Variants in SVIP observed in about 807,000 individuals in gnomAD.
SVIP encodes small VCP/p97-interacting protein.
In SVIP, 14 loss-of-function variants were observed where a neutral mutation model predicts 12.9. The ratio of observed to expected loss-of-function variants is 1.08; its 90% confidence interval spans 0.72 to 1.70. The LOEUF (loss-of-function observed/expected upper bound fraction) is 1.70. Ranked by LOEUF, SVIP falls within the 40% of genes most tolerant of loss-of-function variation. SVIP has a pLI of 0.00. For synonymous variants in SVIP, 35 were observed against 33.3 expected, an observed-to-expected ratio of 1.05 and a Z score of -0.17; for missense variants, 93 against 90.8, an observed-to-expected ratio of 1.02 and a Z score of -0.10.
chr11:22,822,925 C>T lies in SVIP; in HGVS notation c.*194G>A. 1 of 508,574 alleles carries T rather than the reference C, an allele frequency of 2.0e-6. No individual in the cohort carries two copies. The highest frequency in any genetic ancestry group is 3.2e-5 in the East Asian group (1 of 30,786). 31.5% of individuals were successfully genotyped at this position (508,574 alleles called of 1,614,324 possible). A position where few individuals can be genotyped will look rare whatever the true frequency, so the allele number is the denominator to read the frequency against. On this transcript the variant is annotated 3_prime_UTR_variant, in exon 4 of 4. Coordinates refer to ENST00000354193, the MANE Select transcript of SVIP (RefSeq NM_148893.3). Reference sequence around the variant, plus strand: ...TGCAGAAGAGCAAATGTAGGAAAATCAGTATTTAATGAAAAGTCTAGCCAT... The same window carrying T: ...TGCAGAAGAGCAAATGTAGGAAAATTAGTATTTAATGAAAAGTCTAGCCAT...
At chr11:22,828,465 G>A (rs79908541) in intron 1 of SVIP, among the ~76,000 whole-genome samples, 1 of 152,258 alleles carries the variant, frequency 6.6e-6, no homozygotes, top group African/African-American at 2.4e-5. Context: ...AATTGCGGGC[G>A]CACAGACAAA....
chr11:22,823,606 C>T (rs1312117849), intron 3 of SVIP, among the ~76,000 whole-genome samples: 4 of 152,224 alleles, frequency 2.6e-5, no homozygotes, highest in Non-Finnish European at 5.9e-5. Flanking sequence ...GGGGCACACA[C>T]AGATGTCATC....
intron 1 of SVIP, among the ~76,000 whole-genome samples, chr11:22,828,406 A>G (rs10766969): frequency 0.38 from 57,398 of 152,134 alleles, 12,208 homozygotes; most frequent in East Asian, 0.73. Flanking sequence ...CTGGGATACA[A>G]CAGTGTAAAA....
rs1288938179 is a variant in SVIP, at chr11:22,824,443, CACAT to C, written c.220-1314_220-1311del. ...TGTTTTATATATATATATACACACA[CACAT>C]ATATATATATATACACATATATATA... On this transcript the variant is annotated intron_variant, in intron 3 of 3. Coordinates refer to ENST00000354193, the MANE Select transcript of SVIP (RefSeq NM_148893.3). Among the ~76,000 whole-genome samples the C allele has an allele frequency of 4.5e-5, 5 of 111,190 alleles. No individual in the cohort carries two copies. In the East Asian group the frequency reaches 6.6e-4, roughly 15 times the overall value. The allele number at this position is 111,190 out of a possible 152,430, so 72.9% of individuals were successfully genotyped here. A position where few individuals can be genotyped will look rare whatever the true frequency, so the allele number is the denominator to read the frequency against.
chr11:22,828,081 A>G (rs1036260640), intron 1 of SVIP, among the ~76,000 whole-genome samples: 4 of 152,218 alleles, frequency 2.6e-5, no homozygotes, highest in Admixed American at 2.6e-4. Flanking sequence ...AAACAGATAC[A>G]AGGTTTACCT....
intron 3 of SVIP, among the ~76,000 whole-genome samples, chr11:22,825,659 A>AT (rs963465622): frequency 2.2e-4 from 33 of 150,916 alleles, no homozygotes; most frequent in Admixed American, 2.0e-3. Flanking sequence ...TAAGGCCTAA[A>AT]TTTTTTTTTT....
At chr11:22,828,819 T>A (rs1857828124) in intron 1 of SVIP, among the ~76,000 whole-genome samples, 1 of 152,228 alleles carries the variant, frequency 6.6e-6, no homozygotes, top group Non-Finnish European at 1.5e-5. Context: ...GAAGAGTTAA[T>A]GTACTTCCCA....
At chr11:22,825,744 G>A (rs1857674865) in intron 3 of SVIP, among the ~76,000 whole-genome samples, 1 of 152,078 alleles carries the variant, frequency 6.6e-6, no homozygotes, top group African/African-American at 2.4e-5. Flanking sequence ...AAAAGCTGAT[G>A]TTAATTTCAT....
At position 22,818,989 on chromosome 11, in the gene SVIP, T is replaced by C. The variant is rs1401248811; in HGVS notation, c.*4130A>G. On this transcript the variant is annotated 3_prime_UTR_variant, in exon 4 of 4. Coordinates refer to ENST00000354193, the MANE Select transcript of SVIP (RefSeq NM_148893.3). ...TTTTTAATGTCTACAGTTTTATTTT[T>C]CCTAAATATTTTATTTGTTGATATT... 4 of 152,234 alleles carry C rather than the reference T, an allele frequency of 2.6e-5. No individual in the cohort carries two copies. In the East Asian group the frequency reaches 5.8e-4, roughly 22 times the overall value. 9.4% of individuals were successfully genotyped at this position (152,234 alleles called of 1,614,324 possible). A position where few individuals can be genotyped will look rare whatever the true frequency, so the allele number is the denominator to read the frequency against.
At chr11:22,826,254 T>C (rs538912311) in intron 3 of SVIP, among the ~76,000 whole-genome samples, 2 of 152,286 alleles carry the variant, frequency 1.3e-5, no homozygotes, top group South Asian at 4.1e-4. Context: ...TGAGCCAGAA[T>C]CAACTGCTCA....
intron 1 of SVIP, 191 bp downstream of exon 1, chr11:22,829,504 C>T: frequency 1.9e-6 from 1 of 525,350 alleles, no homozygotes; most frequent in Non-Finnish European, 3.4e-6. Flanking sequence ...GAGATCTACA[C>T]GGAGGCGACG....
chr11:22,824,376 C>T (rs892115302), intron 3 of SVIP, among the ~76,000 whole-genome samples: 1 of 150,814 alleles, frequency 6.6e-6, no homozygotes, highest in East Asian at 2.0e-4. Flanking sequence ...TTGGCAATCT[C>T]TTGATAGTGT....
rs767692993 is a variant in SVIP at position 22,827,244 on chromosome 11, ATTTG to A, written c.178_181del (p.Gln60LeufsTer20). ...TTCTGGTGGGGGCCCGGATGTAGCA[ATTTG>A]TTTTTCTATTTTTTCCTTTTTCTTT... On this transcript the variant is annotated frameshift_variant, in exon 3 of 4. Coordinates refer to ENST00000354193, the MANE Select transcript of SVIP (RefSeq NM_148893.3). LOFTEE classifies it high-confidence loss of function. 3.1e-6 allele frequency: 5 copies of A among 1,610,454 alleles called. No homozygotes were observed. Among genetic ancestry groups the A allele is most frequent in the Admixed American group, 1.7e-5 (1 of 59,250 alleles).
intron 3 of SVIP, among the ~76,000 whole-genome samples, chr11:22,824,459 TAC>T (rs56365649): frequency 0.48 from 68,891 of 143,468 alleles, 17,336 homozygotes; most frequent in Non-Finnish European, 0.56. Flanking sequence ...TATATATATA[TAC>T]ACATATATAT....
In SVIP at chr11:22,822,281, A is replaced by G. The variant is rs1857514715; in HGVS notation, c.*838T>C. On this transcript the variant is annotated 3_prime_UTR_variant, in exon 4 of 4. Coordinates refer to ENST00000354193, the MANE Select transcript of SVIP (RefSeq NM_148893.3). ...GCAGTTTCACATCTGTATAAATCTT[A>G]TGATCGTTCTCTAATAAGTACACAA... is the stretch of plus-strand genomic sequence containing the variant. The G allele has an allele frequency of 6.6e-6, 1 of 152,146 alleles. No homozygotes were observed. Among genetic ancestry groups the G allele is most frequent in the Non-Finnish European group, 1.5e-5 (1 of 68,002 alleles). The allele number at this position is 152,146 out of a possible 1,614,324, so 9.4% of individuals were successfully genotyped here. A position where few individuals can be genotyped will look rare whatever the true frequency, so the allele number is the denominator to read the frequency against.
rs1027192120 is a variant in SVIP at position 22,820,818 on chromosome 11, T to C, written c.*2301A>G. On this transcript the variant is annotated 3_prime_UTR_variant, in exon 4 of 4. Coordinates refer to ENST00000354193, the MANE Select transcript of SVIP (RefSeq NM_148893.3). ...TAGCAGCCGTTAAGTTTGATTAGTATTAAGCAGCAATGGTTTAAGCAATTT... is the reference window on the plus strand; with the variant it reads ...TAGCAGCCGTTAAGTTTGATTAGTACTAAGCAGCAATGGTTTAAGCAATTT... The C allele has an allele frequency of 6.6e-6, 1 of 152,192 alleles. No homozygotes were observed. Among genetic ancestry groups the C allele is most frequent in the South Asian group, 2.1e-4 (1 of 4,830 alleles). 9.4% of individuals were successfully genotyped at this position (152,192 alleles called of 1,614,324 possible). A position where few individuals can be genotyped will look rare whatever the true frequency, so the allele number is the denominator to read the frequency against.
chr11:22,822,567 C>T lies in SVIP; in HGVS notation c.*552G>A, dbSNP rs1022560881. On this transcript the variant is annotated 3_prime_UTR_variant, in exon 4 of 4. Transcript: ENST00000354193. ...TAAAAATAAATTGGAAAAAATTTTA[C>T]ATCTGCCTAAGAATACTCATTACTA... The T allele has an allele frequency of 1.3e-5, 2 of 152,092 alleles. No individual in the cohort carries two copies. Among genetic ancestry groups the T allele is most frequent in the African/African-American group, 4.8e-5 (2 of 41,420 alleles). The allele number at this position is 152,092 out of a possible 1,614,324, so 9.4% of individuals were successfully genotyped here.
Position 22,819,624 on chromosome 11 carries a change from TAGTC to T in SVIP, c.*3491_*3494del, listed in dbSNP as rs1205818905. ...CCTGTCTCTACTAAAAACACAAAAT[TAGTC>T]AGGCGTGGTGGCACATGCCTGCAAT... On this transcript the variant is annotated 3_prime_UTR_variant, in exon 4 of 4. Transcript: ENST00000354193. 2.0e-5 allele frequency: 3 copies of T among 152,090 alleles called. No homozygotes were observed. Among genetic ancestry groups the T allele is most frequent in the East Asian group, 1.9e-4 (1 of 5,154 alleles). The allele number at this position is 152,090 out of a possible 1,614,324, so 9.4% of individuals were successfully genotyped here.
At position 22,827,189 on chromosome 11, in the gene SVIP, G is replaced by C; in HGVS notation, c.219+18C>G. On this transcript the variant is annotated intron_variant, in intron 3 of 3. Transcript: ENST00000354193. ...AAATGCCAGTTAAGTTAATCACTAAGAAAATTTTAATACTTACCCTAAGTC... is the reference window on the plus strand; with the variant it reads ...AAATGCCAGTTAAGTTAATCACTAACAAAATTTTAATACTTACCCTAAGTC... The C allele has an allele frequency of 6.3e-7, 1 of 1,585,326 alleles. No homozygotes were observed. Among genetic ancestry groups the C allele is most frequent in the Non-Finnish European group, 8.6e-7 (1 of 1,157,914 alleles).
Sources: gnomAD v4.1 joint callset for allele counts (sites outside exome capture counted in the v4.1 genomes callset) on GRCh38, gnomAD v4.1.1 for gene constraint, MANE v1.5 for transcripts, NCBI Gene and HGNC (gene_info 2026-07-23, HGNC 2026-07-21) for gene names.